CHST9: variants seen among roughly 807,000 people sequenced by gnomAD.
The protein encoded by CHST9 is carbohydrate sulfotransferase 9, also known as GalNAc-4-sulfotransferase 2.
A neutral mutation model predicts 44.4 loss-of-function variants in CHST9; 41 were observed. The observed-to-expected ratio is 0.92, with a 90% CI of 0.72 to 1.20. The LOEUF (loss-of-function observed/expected upper bound fraction) is 1.20. Among genes scored for constraint, CHST9 ranks in the 50% most tolerant of loss-of-function variants. The pLI is 0.00. For missense variants in CHST9, 504 were observed against 516.5 expected, an observed-to-expected ratio of 0.98 and a Z score of 0.23; for synonymous variants, 171 against 178.4, an observed-to-expected ratio of 0.96 and a Z score of 0.33.
intron 4 of CHST9, among the ~76,000 whole-genome samples, chr18:26,945,699 A>G (rs2056151758): frequency 6.6e-6 from 1 of 152,172 alleles, no homozygotes; most frequent in Admixed American, 6.6e-5. Flanking sequence ...CTAAGTTTTG[A>G]CTATCATGAA....
intron 2 of CHST9, among the ~76,000 whole-genome samples, chr18:27,132,996 A>G (rs1403949163): frequency 2.0e-5 from 3 of 152,336 alleles, no homozygotes; most frequent in Non-Finnish European, 4.4e-5. Flanking sequence ...TACTCAGCCT[A>G]TATTCCAAGT....
chr18:26,941,124 T>C (rs2056076041), intron 5 of CHST9, among the ~76,000 whole-genome samples: 1 of 152,186 alleles, frequency 6.6e-6, no homozygotes, highest in Non-Finnish European at 1.5e-5. Context: ...GTACTTTGTT[T>C]TGGCAGCCCT....
intron 2 of CHST9, among the ~76,000 whole-genome samples, chr18:27,051,823 G>A (rs193126051): frequency 6.6e-6 from 1 of 152,232 alleles, no homozygotes. Context: ...TGTTTCAAAA[G>A]TCTGTAATAA....
intron 1 of CHST9, among the ~76,000 whole-genome samples, chr18:27,184,689 G>T (rs1017880101): frequency 6.6e-6 from 1 of 152,144 alleles, no homozygotes; most frequent in African/African-American, 2.4e-5. Flanking sequence ...ACACACCCTG[G>T]AGGACCCGAC....
At chr18:27,082,834 C>T (rs188156423) in intron 2 of CHST9, among the ~76,000 whole-genome samples, 3 of 152,270 alleles carry the variant, frequency 2.0e-5, no homozygotes, top group Non-Finnish European at 2.9e-5. Context: ...AAAATTTTCT[C>T]TAAATGCTTA....
intron 2 of CHST9, among the ~76,000 whole-genome samples, chr18:27,141,553 C>G (rs1413147488): frequency 7.9e-6 from 1 of 126,562 alleles, no homozygotes; most frequent in Admixed American, 9.7e-5. Flanking sequence ...ATCATGCTAT[C>G]GCTCTCCAGC....
chr18:26,984,822 T>C (rs1011181061), intron 4 of CHST9, among the ~76,000 whole-genome samples: 1 of 151,592 alleles, frequency 6.6e-6, no homozygotes, highest in African/African-American at 2.4e-5. Flanking sequence ...CTCATCAGTA[T>C]AGCTAAGATG....
intron 4 of CHST9, among the ~76,000 whole-genome samples, chr18:26,986,878 T>C (rs1289714346): frequency 6.6e-6 from 1 of 152,200 alleles, no homozygotes; most frequent in Non-Finnish European, 1.5e-5. Context: ...TTTGTGTACA[T>C]ATAAAAATTG....
At chr18:26,932,224 T>C (rs1157003153) in intron 5 of CHST9, among the ~76,000 whole-genome samples, 1 of 152,212 alleles carries the variant, frequency 6.6e-6, no homozygotes, top group Non-Finnish European at 1.5e-5. Context: ...ACAACAATGA[T>C]ATAAGTCAGC....
At chr18:26,961,689 A>G (rs2056402561) in intron 4 of CHST9, among the ~76,000 whole-genome samples, 1 of 152,106 alleles carries the variant, frequency 6.6e-6, no homozygotes, top group African/African-American at 2.4e-5. Context: ...TGGCCTCCCA[A>G]AGTGTTGGAA....
At chr18:26,980,011 T>C (rs1466178252) in intron 4 of CHST9, among the ~76,000 whole-genome samples, 1 of 152,172 alleles carries the variant, frequency 6.6e-6, no homozygotes, top group Non-Finnish European at 1.5e-5. Flanking sequence ...TCCAATTGCT[T>C]TTAAAGAACT....
Position 26,916,923 on chromosome 18 carries a change from C to G in CHST9, c.668G>C (p.Gly223Ala). The G allele has an allele frequency of 6.2e-7, 1 of 1,613,794 alleles. No individual in the cohort carries two copies. The highest frequency in any genetic ancestry group is 8.5e-7 in the Non-Finnish European group (1 of 1,179,810). The change falls in exon 6 of 6, where the codon GGC becomes GCC. Residue 223 changes from glycine to alanine, a missense_variant. By Grantham distance (60) the Gly-to-Ala change is moderately conservative. Coordinates refer to ENST00000618847, the MANE Select transcript of CHST9 (RefSeq NM_031422.6). ...CAGAATTCTTTTCCAATTGGAACAG[C>G]CAGCCTTAGGTACCTCACAATATAA... Reference protein sequence around the residue: ...KILYCEVPKAGCSNWKRILMV... With the variant: ...KILYCEVPKAACSNWKRILMV...
chr18:27,109,981 G>A (rs2058256347), intron 2 of CHST9, among the ~76,000 whole-genome samples: 2 of 152,124 alleles, frequency 1.3e-5, no homozygotes, highest in South Asian at 4.1e-4. Flanking sequence ...CTTTATTTAG[G>A]TATAAGCAGA....
intron 4 of CHST9, among the ~76,000 whole-genome samples, chr18:26,961,892 T>G (rs748732129): frequency 3.4e-4 from 52 of 152,198 alleles, no homozygotes; most frequent in Non-Finnish European, 6.0e-4. Flanking sequence ...GTTCAACCAT[T>G]CATACCTGGT....
rs533379708 is a variant in CHST9 at position 26,912,168 on chromosome 18, G to T, written c.*4091C>A. ...TAGCTGTCTGGAATTTCTTGTCAAA[G>T]AAATGATATTTTGTTTTCACAAGGC... is the stretch of plus-strand genomic sequence containing the variant. On this transcript the variant is annotated 3_prime_UTR_variant, in exon 6 of 6. Coordinates refer to ENST00000618847, the MANE Select transcript of CHST9 (RefSeq NM_031422.6). 6.6e-6 allele frequency: 1 copy of T among 152,214 alleles called. No homozygotes were observed. Among genetic ancestry groups the T allele is most frequent in the South Asian group, 2.1e-4 (1 of 4,810 alleles). 9.4% of individuals were successfully genotyped at this position (152,214 alleles called of 1,614,324 possible). A position where few individuals can be genotyped will look rare whatever the true frequency, so the allele number is the denominator to read the frequency against.
chr18:26,956,344 T>TATATAC (rs1555671803), intron 4 of CHST9, among the ~76,000 whole-genome samples: 22 of 142,128 alleles, frequency 1.5e-4, no homozygotes, highest in African/African-American at 5.6e-4. Flanking sequence ...TATATATATA[T>TATATAC]ACACACACAA....
chr18:27,051,137 G>A (rs900926056), intron 2 of CHST9, among the ~76,000 whole-genome samples: 8 of 152,186 alleles, frequency 5.3e-5, no homozygotes, highest in African/African-American at 1.9e-4. Context: ...TCCAGTTTGG[G>A]TGTGGTGGCT....
In CHST9 at chr18:27,010,963, G is replaced by A. The variant is rs1037362102; in HGVS notation, c.202+13153C>T. 3.9e-5 allele frequency among the ~76,000 whole-genome samples: 6 copies of A among 152,174 alleles called. No individual in the cohort carries two copies. The South Asian group carries it at 1.0e-3, about 26-fold the overall frequency. On this transcript the variant is annotated intron_variant, in intron 4 of 5. Coordinates refer to ENST00000618847, the MANE Select transcript of CHST9 (RefSeq NM_031422.6). ...GCCTCTGGTAGGCAGTGGCTGAGGA[G>A]TGACAGGTCTGCTGAGGCCAGGGCT...
chr18:27,028,719 T>C (rs1482535185), intron 3 of CHST9, among the ~76,000 whole-genome samples: 1 of 152,070 alleles, frequency 6.6e-6, no homozygotes, highest in Non-Finnish European at 1.5e-5. Context: ...GGCTACTTTT[T>C]TTGTATTTTT....
Sources: gnomAD v4.1 joint callset for allele counts (sites outside exome capture counted in the v4.1 genomes callset) on GRCh38, gnomAD v4.1.1 for gene constraint, MANE v1.5 for transcripts, NCBI Gene and HGNC (gene_info 2026-07-23, HGNC 2026-07-21) for gene names.